Variants in CKAP4 observed in about 807,000 individuals in gnomAD.
CKAP4 encodes cytoskeleton associated protein 4.
In CKAP4, 20 loss-of-function variants were observed where a neutral mutation model predicts 24.4. The ratio of observed to expected loss-of-function variants is 0.82; its 90% confidence interval spans 0.58 to 1.19. CKAP4 has a LOEUF of 1.19. Ranked by LOEUF, CKAP4 falls within the 50% of genes most tolerant of loss-of-function variation. CKAP4 has a pLI of 0.00. For synonymous variants in CKAP4, 378 were observed against 351.7 expected, an observed-to-expected ratio of 1.07 and a Z score of -0.84; for missense variants, 744 against 765.3, an observed-to-expected ratio of 0.97 and a Z score of 0.33.
At chr12:106,245,104 A>G (rs2033996755) in intron 1 of CKAP4, among the ~76,000 whole-genome samples, 1 of 152,150 alleles carries the variant, frequency 6.6e-6, no homozygotes, top group Non-Finnish European at 1.5e-5. Context: ...TTGGCAGGGT[A>G]GCCACCTCCT....
At chr12:106,242,907 C>T (rs2033979699) in intron 1 of CKAP4, among the ~76,000 whole-genome samples, 2 of 152,204 alleles carry the variant, frequency 1.3e-5, no homozygotes, top group Non-Finnish European at 2.9e-5. Flanking sequence ...AAATTATATC[C>T]AACCCCCAAC....
chr12:106,247,707 G>A lies in CKAP4; in HGVS notation c.145C>T (p.Pro49Ser), dbSNP rs1429555662. 3 of 998,052 alleles carry A rather than the reference G, an allele frequency of 3.0e-6. No individual in the cohort carries two copies. Among genetic ancestry groups the A allele is most frequent in the Non-Finnish European group, 3.5e-6 (3 of 860,654 alleles). The allele number at this position is 998,052 out of a possible 1,614,324, so 61.8% of individuals were successfully genotyped here. ...TGCTGCGGGTGCTGCTGCGGGTGCG[G>A]CGCGGGCGGCGGCGGCGGCTGCTGC... ...APQQPPPPPA[P>S]HPQQHPQQHP... is the part of the protein sequence containing the mutation. The change falls in exon 1 of 2, where the codon CCG becomes TCG. Residue 49 changes from proline to serine, a missense_variant. By Grantham distance (74) the Pro-to-Ser change is moderately conservative. Transcript: ENST00000378026. This position sits in a 1 kb window ranked among gnomAD's most constrained non-coding sequence, Gnocchi z 4.5.
At position 106,240,293 on chromosome 12, in the gene CKAP4, T is replaced by C. The variant is rs146046803; in HGVS notation, c.540A>G (p.Gln180=). 293 of 1,614,200 alleles carry C rather than the reference T, an allele frequency of 1.8e-4. 1 individual carries two copies. The African/African-American group carries it at 3.5e-3, about 19-fold the overall frequency. ...GTFESILRSS[Q]HKQDLTEKAV... is the part of the protein sequence containing the mutation. The stretch of plus-strand genomic sequence containing the variant: ...CTTTCTCTGTGAGGTCTTGTTTATG[T>C]TGGGAGCTTCTCAAGATGGACTCAA... The change falls in exon 2 of 2, where the codon CAA becomes CAG. Residue 180 remains glutamine, a synonymous_variant. Coordinates refer to ENST00000378026, the MANE Select transcript of CKAP4 (RefSeq NM_006825.4).
chr12:106,243,915 A>G (rs1287382135), intron 1 of CKAP4, among the ~76,000 whole-genome samples: 1 of 152,222 alleles, frequency 6.6e-6, no homozygotes, highest in Non-Finnish European at 1.5e-5. Context: ...TCATGGCTAT[A>G]AAGCATTTAA....
intron 1 of CKAP4, among the ~76,000 whole-genome samples, chr12:106,242,012 A>G (rs772840923): frequency 1.3e-5 from 2 of 152,180 alleles, no homozygotes; most frequent in African/African-American, 2.4e-5. Context: ...TTACACTTGA[A>G]CACTGCCATG....
In CKAP4 at chr12:106,238,845, A is replaced by T; in HGVS notation, c.*179T>A. The T allele has an allele frequency of 1.4e-6, 1 of 694,408 alleles. No homozygotes were observed. Among genetic ancestry groups the T allele is most frequent in the Non-Finnish European group, 2.4e-6 (1 of 412,668 alleles). The allele number at this position is 694,408 out of a possible 1,614,324, so 43.0% of individuals were successfully genotyped here. A position where few individuals can be genotyped will look rare whatever the true frequency, so the allele number is the denominator to read the frequency against. On this transcript the variant is annotated 3_prime_UTR_variant, in exon 2 of 2. Coordinates refer to ENST00000378026, the MANE Select transcript of CKAP4 (RefSeq NM_006825.4). ...AACCAAATGCAGAAGCAGAGAACTT[A>T]AATATTGTAAATAAGTTAACTGGGC...
chr12:106,238,083 A>G lies in CKAP4; in HGVS notation c.*941T>C, dbSNP rs572511827. On this transcript the variant is annotated 3_prime_UTR_variant, in exon 2 of 2. Transcript: ENST00000378026. ...GCTCAGAGGGAAGGGAGATACAGCA[A>G]ACAATTACACAAACGCAGTATGCAC... The G allele has an allele frequency of 6.7e-6, 1 of 149,590 alleles. No individual in the cohort carries two copies. The highest frequency in any genetic ancestry group is 2.1e-4 in the South Asian group (1 of 4,688). The allele number at this position is 149,590 out of a possible 1,614,324, so 9.3% of individuals were successfully genotyped here.
At position 106,239,566 on chromosome 12, in the gene CKAP4, T is replaced by C. The variant is rs776994827; in HGVS notation, c.1267A>G (p.Met423Val). 4 of 1,613,626 alleles carry C rather than the reference T, an allele frequency of 2.5e-6. No homozygotes were observed. Among genetic ancestry groups the C allele is most frequent in the East Asian group, 2.2e-5 (1 of 44,866 alleles). The part of the protein sequence containing the change: ...LQHVEDGVLS[M>V]QVASARQTES... ...GTCTGGCGCGCAGAAGCCACCTGCA[T>C]GGAGAGCACCCCATCCTCCACGTGC... The change falls in exon 2 of 2, where the codon ATG becomes GTG. Residue 423 changes from methionine (M) to valine (V), a missense_variant. Met to Val is a conservative substitution (Grantham distance 21, BLOSUM62 1). Coordinates refer to ENST00000378026, the MANE Select transcript of CKAP4 (RefSeq NM_006825.4). This position sits in a 1 kb window ranked among gnomAD's most constrained non-coding sequence, Gnocchi z 4.9.
intron 1 of CKAP4, chr12:106,245,741 T>C (rs2034003692): frequency 6.6e-6 from 1 of 152,274 alleles, no homozygotes; most frequent in African/African-American, 2.4e-5. Context: ...ACTACAGGCA[T>C]GTGCCACCAC....
intron 1 of CKAP4, among the ~76,000 whole-genome samples, chr12:106,244,922 A>C (rs1399986101): frequency 6.6e-6 from 1 of 152,228 alleles, no homozygotes; most frequent in Non-Finnish European, 1.5e-5. Flanking sequence ...CCCAAAGAAG[A>C]AAGTGATCTA....
chr12:106,243,363 T>G (rs1034025505), intron 1 of CKAP4, among the ~76,000 whole-genome samples: 3 of 152,204 alleles, frequency 2.0e-5, no homozygotes, highest in Non-Finnish European at 4.4e-5. Context: ...TGTGATATGC[T>G]CAGGCAGGGG....
At position 106,239,152 on chromosome 12, in the gene CKAP4, C is replaced by T; in HGVS notation, c.1681G>A (p.Val561Ile). The T allele has an allele frequency of 6.2e-7, 1 of 1,614,126 alleles. No individual in the cohort carries two copies. Among genetic ancestry groups the T allele is most frequent in the Non-Finnish European group, 8.5e-7 (1 of 1,180,042 alleles). The change falls in exon 2 of 2, where the codon GTT becomes ATT. Residue 561 changes from valine to isoleucine, a missense_variant. Around this residue, in one of 3 missense-constraint regions of CKAP4, gnomAD observed 401 missense variants for 424.5 expected, o/e 0.94. Transcript: ENST00000378026. The surrounding 1 kb of genome is among the most constrained non-coding windows in gnomAD (Gnocchi z 4.9). ...GTTTCTATTTTGACCGAGTATGCAA[C>T]CAAACTGTCCACAGCAGTCCTGAGC... ...KMLRTAVDSL[V>I]AYSVKIETNE...
In CKAP4 at chr12:106,241,159, G is replaced by C. The variant is rs562483716; in HGVS notation, c.484-810C>G. On this transcript the variant is annotated intron_variant, in intron 1 of 1. Transcript: ENST00000378026. Reference sequence around the variant, plus strand: ...AATCAAGAACTGTGATTCTGGACTGGGTGTCAGATGACATTCAAGTAATAC... The same window carrying C: ...AATCAAGAACTGTGATTCTGGACTGCGTGTCAGATGACATTCAAGTAATAC... 2.6e-5 allele frequency among the ~76,000 whole-genome samples: 4 copies of C among 152,228 alleles called. No homozygotes were observed. The East Asian group carries it at 7.7e-4, about 29-fold the overall frequency.
In CKAP4 at chr12:106,239,763, A is replaced by T. The variant is rs201305583; in HGVS notation, c.1070T>A (p.Leu357His). 6.8e-6 allele frequency: 11 copies of T among 1,613,694 alleles called. No homozygotes were observed. Among genetic ancestry groups the T allele is most frequent in the Non-Finnish European group, 8.5e-6 (10 of 1,179,942 alleles). ...LALQALTEKL[L>H]RSEESVSRLP... ...GCGGGAGACGGACTCCTCAGACCTG[A>T]GAAGCTTCTCCGTGAGGGCCTGCAG... Residue 357 changes from leucine to histidine, a missense_variant, in exon 2 of 2, where the codon CTC (leucine) becomes CAC (histidine). By Grantham distance (99) the Leu-to-His change is moderately conservative. This residue lies in a region of CKAP4 where 401 missense variants were observed against 424.5 expected (regional missense o/e 0.94). Transcript: ENST00000378026. This position sits in a 1 kb window ranked among gnomAD's most constrained non-coding sequence, Gnocchi z 4.9.
rs2136539094 is a variant in CKAP4, at chr12:106,247,905, C to T, written c.-54G>A. The T allele has an allele frequency of 1.0e-6, 1 of 1,000,476 alleles. No individual in the cohort carries two copies. The highest frequency in any genetic ancestry group is 1.8e-5 in the African/African-American group (1 of 57,108). 62.0% of individuals were successfully genotyped at this position (1,000,476 alleles called of 1,614,324 possible). ...GGCTGGGAGGCGAGCGAGCGCGGCG[C>T]GCGGCCCGGGAAACTTGCAGGGGCT... On this transcript the variant is annotated 5_prime_UTR_variant, in exon 1 of 2. Transcript: ENST00000378026. This position sits in a 1 kb window ranked among gnomAD's most constrained non-coding sequence, Gnocchi z 4.5.
At position 106,239,002 on chromosome 12, in the gene CKAP4, G is replaced by A. The variant is rs376362516; in HGVS notation, c.*22C>T. 7.9e-5 allele frequency: 127 copies of A among 1,602,044 alleles called. No individual in the cohort carries two copies. The African/African-American group carries it at 1.3e-3, about 16-fold the overall frequency. On this transcript the variant is annotated 3_prime_UTR_variant, in exon 2 of 2. Transcript: ENST00000378026. This position sits in a 1 kb window ranked among gnomAD's most constrained non-coding sequence, Gnocchi z 4.9. ...TCATGAGAAATTGGACTTTAAATCCGCGCCCTGCACACGCAATTCATTTAG... is the reference window on the plus strand; with the variant it reads ...TCATGAGAAATTGGACTTTAAATCCACGCCCTGCACACGCAATTCATTTAG...
chr12:106,240,529 C>T (rs1592897018), intron 1 of CKAP4, among the ~76,000 whole-genome samples, 180 bp from the exon 2 acceptor site: 1 of 151,988 alleles, frequency 6.6e-6, no homozygotes. Context: ...ATCCTAGGGT[C>T]CCCTCCTAGT....
In CKAP4 at chr12:106,239,474, C is replaced by G. The variant is rs756140056; in HGVS notation, c.1359G>C (p.Gly453=). The G allele has an allele frequency of 8.8e-5, 142 of 1,605,478 alleles. No homozygotes were observed. Among genetic ancestry groups the G allele is most frequent in the Non-Finnish European group, 1.2e-4 (136 of 1,179,660 alleles). Residue 453 remains glycine (G), a synonymous_variant, in exon 2 of 2, where the codon GGG becomes GGC. Transcript: ENST00000378026. This position sits in a 1 kb window ranked among gnomAD's most constrained non-coding sequence, Gnocchi z 4.9. ...EHEQRLAALQ[G]RLEGLGSSEA... is the part of the protein sequence containing the mutation. ...CTGAGGACCCGAGGCCTTCCAGGCGCCCCTGCAGGGCGGCCAGGCGCTGCT... is the reference window on the plus strand; with the variant it reads ...CTGAGGACCCGAGGCCTTCCAGGCGGCCCTGCAGGGCGGCCAGGCGCTGCT...
At chr12:106,241,046 T>C (rs1268618889) in intron 1 of CKAP4, among the ~76,000 whole-genome samples, 2 of 152,184 alleles carry the variant, frequency 1.3e-5, no homozygotes, top group Non-Finnish European at 1.5e-5. Context: ...CAGGAGTGCC[T>C]TGAGCCTGGG....
Sources: gnomAD v4.1 joint callset for allele counts (sites outside exome capture counted in the v4.1 genomes callset) on GRCh38, gnomAD v4.1.1 for gene constraint, gnomAD v4.1.1 regional missense constraint, Gnocchi (gnomAD v3.1) non-coding constraint, MANE v1.5 for transcripts, NCBI Gene and HGNC (gene_info 2026-07-23, HGNC 2026-07-21) for gene names.